The following FIG4 variants were observed in gnomAD, a reference collection of about 807,000 sequenced individuals.
The protein encoded by FIG4 is FIG4 phosphoinositide 5-phosphatase.
In FIG4, 112 loss-of-function variants were observed where a neutral mutation model predicts 118.6. That is an observed-to-expected ratio of 0.94 (90% CI 0.81 to 1.11). The LOEUF is 1.11. FIG4 is among the 50% of genes least tolerant of loss of function. The pLI is 0.00. For missense variants in FIG4, 969 were observed against 1,111.7 expected (o/e 0.87, Z 1.83); for synonymous variants, 369 against 381.2 (o/e 0.97, Z 0.37).
At chr6:109,774,004 A>G (rs916810716) in intron 15 of FIG4, among the ~76,000 whole-genome samples, 3 of 151,762 alleles carry the variant, frequency 2.0e-5, no homozygotes. Context: ...TAGAGACAGA[A>G]TCTCCCTGTG....
intron 15 of FIG4, among the ~76,000 whole-genome samples, chr6:109,769,095 T>C (rs1226086843): frequency 1.3e-5 from 2 of 148,660 alleles, no homozygotes; most frequent in African/African-American, 2.4e-5. Context: ...CACTTAAGGA[T>C]CAAGTAATGT....
Position 109,723,520 on chromosome 6 carries a change from A to G in FIG4, c.290-3589A>G, listed in dbSNP as rs1178441170. On this transcript the variant is annotated intron_variant, in intron 3 of 22. Transcript: ENST00000230124. Reference sequence around the variant, plus strand: ...TGGAAGATTGCATGAAGGATATGTAATTTACTTGATACATTGTTTTGTTTG... The same window carrying G: ...TGGAAGATTGCATGAAGGATATGTAGTTTACTTGATACATTGTTTTGTTTG... 2.0e-5 allele frequency among the ~76,000 whole-genome samples: 3 copies of G among 152,188 alleles called. 1 individual carries two copies. Among genetic ancestry groups the G allele is most frequent in the African/African-American group, 7.2e-5 (3 of 41,446 alleles).
At chr6:109,807,831 G>T (rs1583762981) in intron 22 of FIG4, among the ~76,000 whole-genome samples, 1 of 152,236 alleles carries the variant, frequency 6.6e-6, no homozygotes, top group African/African-American at 2.4e-5. Context: ...CATATGGCTA[G>T]CCAGTTTTCC....
chr6:109,777,970 G>T (rs1777668299), intron 16 of FIG4, among the ~76,000 whole-genome samples: 1 of 152,146 alleles, frequency 6.6e-6, no homozygotes, highest in Admixed American at 6.5e-5. Flanking sequence ...ACTTAATGAG[G>T]AGGCTTTTTA....
At chr6:109,769,796 G>A (rs1369620747) in intron 15 of FIG4, among the ~76,000 whole-genome samples, 1 of 152,150 alleles carries the variant, frequency 6.6e-6, no homozygotes, top group African/African-American at 2.4e-5. Flanking sequence ...GTGCACACCT[G>A]TAGTCCCAGC....
At chr6:109,757,944 C>T (rs1776972995) in intron 10 of FIG4, among the ~76,000 whole-genome samples, 1 of 152,032 alleles carries the variant, frequency 6.6e-6, no homozygotes, top group African/African-American at 2.4e-5. Flanking sequence ...CAAACCACTG[C>T]CCAGTGAAAT....
At chr6:109,750,320 T>C (rs1776649746) in intron 10 of FIG4, among the ~76,000 whole-genome samples, 1 of 152,172 alleles carries the variant, frequency 6.6e-6, no homozygotes, top group Admixed American at 6.5e-5. Context: ...GCATGGCTGT[T>C]AGGGGGATCT....
intron 1 of FIG4, among the ~76,000 whole-genome samples, chr6:109,700,747 A>G (rs1415225086): frequency 6.6e-6 from 1 of 152,232 alleles, no homozygotes; most frequent in Non-Finnish European, 1.5e-5. Context: ...GGTTCAGTGT[A>G]CACAAACTTT....
intron 11 of FIG4, among the ~76,000 whole-genome samples, chr6:109,760,677 T>A (rs1473634681): frequency 2.6e-5 from 4 of 152,210 alleles, no homozygotes; most frequent in African/African-American, 9.7e-5. Context: ...TCTCACTATT[T>A]AAACACTTTC....
At chr6:109,703,022 C>A (rs979324904) in intron 1 of FIG4, among the ~76,000 whole-genome samples, 4 of 152,114 alleles carry the variant, frequency 2.6e-5, no homozygotes, top group African/African-American at 9.7e-5. Context: ...CCCATCACTT[C>A]CTGTTTCTTG....
chr6:109,753,349 T>C (rs1347440081), intron 10 of FIG4, among the ~76,000 whole-genome samples: 5 of 151,314 alleles, frequency 3.3e-5, no homozygotes, highest in African/African-American at 1.2e-4. Flanking sequence ...ACTGTAGCCT[T>C]GTAGTATAGT....
intron 22 of FIG4, among the ~76,000 whole-genome samples, chr6:109,818,110 C>T (rs1039500673): frequency 6.6e-6 from 1 of 152,228 alleles, no homozygotes; most frequent in African/African-American, 2.4e-5. Context: ...ACAGTTGTCC[C>T]CCTTTATCCA....
In FIG4 at chr6:109,738,580, A is replaced by G. The variant is rs1397801354; in HGVS notation, c.775+127A>G. Reference sequence around the variant, plus strand: ...TGCACCCCAACAGGAAAACCTGCCCATGATACTATGTAGCAGAAATACAAA... The same window carrying G: ...TGCACCCCAACAGGAAAACCTGCCCGTGATACTATGTAGCAGAAATACAAA... On this transcript the variant is annotated intron_variant, in intron 7 of 22. Transcript: ENST00000230124. The G allele has an allele frequency of 6.0e-6, 5 of 835,986 alleles. No individual in the cohort carries two copies. In the African/African-American group the frequency reaches 8.5e-5, roughly 14 times the overall value. The allele number at this position is 835,986 out of a possible 1,614,324, so 51.8% of individuals were successfully genotyped here.
In FIG4 at chr6:109,795,095, G is replaced by GTTTTTTTTTTTTTTTTTTT. The variant is rs571649446; in HGVS notation, c.2460-1648_2460-1630dup. Among the ~76,000 whole-genome samples, 24 of 57,250 alleles carry GTTTTTTTTTTTTTTTTTTT rather than the reference G, an allele frequency of 4.2e-4. 10 individuals carry two copies. The highest frequency in any genetic ancestry group is 7.7e-4 in the Non-Finnish European group (22 of 28,708). The allele number at this position is 57,250 out of a possible 152,430, so 37.6% of individuals were successfully genotyped here. On this transcript the variant is annotated intron_variant, in intron 21 of 22. Coordinates refer to ENST00000230124, the MANE Select transcript of FIG4 (RefSeq NM_014845.6). ...TCCTCAAAGCTTCATACACTTGCCA[G>GTTTTTTTTTTTTTTTTTTT]TTTTTTTTTTTTTTTTTTTTTTTTT...
rs1775849908 is a variant in FIG4 at position 109,727,253 on chromosome 6, C to T, written c.434C>T (p.Pro145Leu). Residue 145 changes from proline (P) to leucine (L), a missense_variant, in exon 4 of 23, where the codon CCT becomes CTT. By Grantham distance (98) the Pro-to-Leu change is moderately conservative. Around this residue, in one of 3 missense-constraint regions of FIG4, gnomAD observed 393 missense variants for 409.4 expected, o/e 0.96. Coordinates refer to ENST00000230124, the MANE Select transcript of FIG4 (RefSeq NM_014845.6). ...AATGATTCTGTACGGGTTACTCATCCTGATGAAGCTAGGTATGTATGGTGG... is the reference window on the plus strand; with the variant it reads ...AATGATTCTGTACGGGTTACTCATCTTGATGAAGCTAGGTATGTATGGTGG... The part of the protein sequence containing the change: ...IPNDSVRVTH[P>L]DEARYLRIFQ... 2.5e-6 allele frequency: 4 copies of T among 1,611,354 alleles called. No individual in the cohort carries two copies. The highest frequency in any genetic ancestry group is 3.4e-6 in the Non-Finnish European group (4 of 1,178,688).
chr6:109,736,672 T>G (rs566215404), intron 6 of FIG4, among the ~76,000 whole-genome samples: 42 of 152,290 alleles, frequency 2.8e-4, no homozygotes, highest in Non-Finnish European at 4.6e-4. Flanking sequence ...TACTAAATTT[T>G]TTGCCATCTC....
In FIG4 at chr6:109,741,670, T is replaced by G. The variant is rs1322124; in HGVS notation, c.876+126T>G. 281,382 of 735,596 alleles carry G rather than the reference T, an allele frequency of 0.38. 55,475 individuals are homozygous for G. Among genetic ancestry groups the G allele is most frequent in the South Asian group, 0.44 (30,544 of 69,008 alleles). The allele number at this position is 735,596 out of a possible 1,614,324, so 45.6% of individuals were successfully genotyped here. A position where few individuals can be genotyped will look rare whatever the true frequency, so the allele number is the denominator to read the frequency against. Reference sequence around the variant, plus strand: ...TTGGGATATTATCAAGAGAATACAGTTGCCTTTTAGTATCAACAAGGGATT... The same window carrying G: ...TTGGGATATTATCAAGAGAATACAGGTGCCTTTTAGTATCAACAAGGGATT... On this transcript the variant is annotated intron_variant, in intron 8 of 22. Transcript: ENST00000230124.
chr6:109,796,198 G>A (rs1451939917), intron 21 of FIG4, among the ~76,000 whole-genome samples: 2 of 152,204 alleles, frequency 1.3e-5, no homozygotes, highest in East Asian at 1.9e-4. Flanking sequence ...CCCCAACCTT[G>A]GTTGAAAGTG....
chr6:109,710,584 C>A (rs941977872), intron 1 of FIG4, among the ~76,000 whole-genome samples: 5 of 152,036 alleles, frequency 3.3e-5, no homozygotes, highest in African/African-American at 1.2e-4. Flanking sequence ...CTGTCTGGAC[C>A]TGGATTTTTG....
Sources: gnomAD v4.1 joint callset for allele counts (sites outside exome capture counted in the v4.1 genomes callset) on GRCh38, gnomAD v4.1.1 for gene constraint, gnomAD v4.1.1 regional missense constraint, MANE v1.5 for transcripts, NCBI Gene and HGNC (gene_info 2026-07-23, HGNC 2026-07-21) for gene names.